Variants in CRIM1 observed in about 807,000 individuals in gnomAD.
CRIM1 encodes cysteine rich transmembrane BMP regulator 1, also known as cysteine-rich motor neuron 1 protein.
Under a neutral mutation model 116.4 loss-of-function variants are expected in CRIM1, and 32 were observed. That is an observed-to-expected ratio of 0.27 (90% CI 0.21 to 0.37). The LOEUF (loss-of-function observed/expected upper bound fraction) is 0.37. Among genes scored for constraint, CRIM1 ranks in the 10% least tolerant of loss-of-function variants. The probability of loss-of-function intolerance (pLI) is 1.00; values close to 1 mark genes in which losing one functional copy is unlikely to be tolerated. For missense variants in CRIM1, 1,331 were observed against 1,354.8 expected, an observed-to-expected ratio of 0.98 and a Z score of 0.28; for synonymous variants, 590 against 509.2, an observed-to-expected ratio of 1.16 and a Z score of -2.13.
At chr2:36,534,582 GGA>G (rs1255241227) in intron 13 of CRIM1, among the ~76,000 whole-genome samples, 1 of 141,570 alleles carries the variant, frequency 7.1e-6, no homozygotes, top group Non-Finnish European at 1.6e-5. Flanking sequence ...AGGAAGGAAG[GGA>G]GAGACAGGAA....
chr2:36,440,578 A>G (rs1675734236), intron 2 of CRIM1, among the ~76,000 whole-genome samples: 1 of 152,218 alleles, frequency 6.6e-6, no homozygotes, highest in Admixed American at 6.5e-5. Context: ...CATCTCTAAA[A>G]TTGAGATACA....
intron 2 of CRIM1, among the ~76,000 whole-genome samples, chr2:36,403,563 A>G: frequency 6.6e-6 from 1 of 152,122 alleles, no homozygotes. Context: ...TTGGATAGAA[A>G]AGAGAGGACG....
chr2:36,512,467 TG>T, intron 10 of CRIM1, 73 bp downstream of exon 10: 2 of 1,499,466 alleles, frequency 1.3e-6, no homozygotes, highest in Non-Finnish European at 1.8e-6. Context: ...AAGGACACCC[TG>T]TAATGAAATG....
chr2:36,378,526 G>GTA, intron 1 of CRIM1: 1 of 369,696 alleles, frequency 2.7e-6, no homozygotes, highest in East Asian at 8.1e-5. Flanking sequence ...ACGTAAGGCG[G>GTA]TAAGTCATTT....
intron 6 of CRIM1, 123 bp from the exon 7 acceptor site, chr2:36,479,374 G>T: frequency 1.1e-6 from 1 of 906,036 alleles, no homozygotes; most frequent in East Asian, 2.6e-5. Context: ...CTGCGCTTCT[G>T]TTGATCACAG....
At chr2:36,403,309 G>A (rs3770928) in intron 2 of CRIM1, among the ~76,000 whole-genome samples, 30,911 of 152,176 alleles carry the variant, frequency 0.2, 3,251 homozygotes, top group South Asian at 0.33. Context: ...GGAGAACGTT[G>A]AATGGTTTAT....
intron 1 of CRIM1, among the ~76,000 whole-genome samples, chr2:36,379,394 T>G (rs1009917832): frequency 6.6e-6 from 1 of 152,128 alleles, no homozygotes; most frequent in Non-Finnish European, 1.5e-5. Context: ...AAAGGAAGAG[T>G]TGTCACAGGA....
intron 4 of CRIM1, among the ~76,000 whole-genome samples, chr2:36,454,144 C>T (rs1227468896): frequency 6.6e-6 from 1 of 152,200 alleles, no homozygotes; most frequent in Non-Finnish European, 1.5e-5. Flanking sequence ...CCCTCTCTGG[C>T]CATGACTCCT....
chr2:36,448,856 T>C (rs1339498535), intron 4 of CRIM1, among the ~76,000 whole-genome samples: 1 of 152,148 alleles, frequency 6.6e-6, no homozygotes, highest in Non-Finnish European at 1.5e-5. Context: ...CTGGGTTGTG[T>C]GCATTTCAGA....
chr2:36,374,834 C>G (rs10192912), intron 1 of CRIM1, among the ~76,000 whole-genome samples: 28,663 of 149,624 alleles, frequency 0.19, 3,410 homozygotes, highest in Non-Finnish European at 0.27. Context: ...TCCCTAGGCT[C>G]ATGGCATGAG....
At chr2:36,462,931 A>T (rs1036949182) in intron 4 of CRIM1, among the ~76,000 whole-genome samples, 11 of 152,220 alleles carry the variant, frequency 7.2e-5, no homozygotes, top group African/African-American at 2.7e-4. Context: ...ACATTTACTC[A>T]GCGCTAGAAA....
intron 1 of CRIM1, among the ~76,000 whole-genome samples, chr2:36,396,145 A>G (rs1672013998): frequency 6.6e-6 from 1 of 152,116 alleles, no homozygotes; most frequent in South Asian, 2.1e-4. Context: ...CCTGGGCTCA[A>G]GTAATCCCCG....
intron 2 of CRIM1, among the ~76,000 whole-genome samples, chr2:36,429,522 G>C (rs894340975): frequency 2.0e-5 from 3 of 152,182 alleles, no homozygotes; most frequent in Admixed American, 6.5e-5. Context: ...GGTCCATCAA[G>C]ACTGTCGCTG....
At chr2:36,496,702 G>T (rs796834129) in intron 7 of CRIM1, among the ~76,000 whole-genome samples, 5 of 152,260 alleles carry the variant, frequency 3.3e-5, no homozygotes, top group African/African-American at 1.2e-4. Context: ...TTCCTCTCCT[G>T]GAGAAATGTG....
chr2:36,422,131 C>A (rs1411861988), intron 2 of CRIM1, among the ~76,000 whole-genome samples: 1 of 150,850 alleles, frequency 6.6e-6, no homozygotes, highest in Non-Finnish European at 1.5e-5. Context: ...TAGATAGCTT[C>A]CTTAGGTGAC....
intron 8 of CRIM1, among the ~76,000 whole-genome samples, chr2:36,504,905 T>C (rs1217882304): frequency 6.6e-6 from 1 of 152,228 alleles, no homozygotes; most frequent in Non-Finnish European, 1.5e-5. Flanking sequence ...GTAAGTTCTC[T>C]TCCAATTTTA....
chr2:36,356,424 G>A lies in CRIM1; in HGVS notation c.132G>A (p.Lys44=). Reference sequence around the variant, plus strand: ...TCTGCCTGCCCTGTGACGAGTCCAAGTGCGAGGAGCCCAGGAACTGCCCGG... The same window carrying A: ...TCTGCCTGCCCTGTGACGAGTCCAAATGCGAGGAGCCCAGGAACTGCCCGG... ...ALVCLPCDES[K]CEEPRNCPGS... Residue 44 remains lysine (K), a synonymous_variant, in exon 1 of 17, where the codon AAG becomes AAA. Coordinates refer to ENST00000280527, the MANE Select transcript of CRIM1 (RefSeq NM_016441.3). The surrounding 1 kb of genome is among the most constrained non-coding windows in gnomAD (Gnocchi z 4.3). The A allele has an allele frequency of 6.2e-7, 1 of 1,610,952 alleles. No individual in the cohort carries two copies. Among genetic ancestry groups the A allele is most frequent in the Non-Finnish European group, 8.5e-7 (1 of 1,179,560 alleles).
intron 4 of CRIM1, among the ~76,000 whole-genome samples, chr2:36,463,814 T>C (rs1199649327): frequency 6.6e-6 from 1 of 152,216 alleles, no homozygotes; most frequent in Non-Finnish European, 1.5e-5. Context: ...CATTCATGCG[T>C]GCAGAGAGAT....
At chr2:36,408,115 T>C (rs1044199107) in intron 2 of CRIM1, among the ~76,000 whole-genome samples, 3 of 152,204 alleles carry the variant, frequency 2.0e-5, no homozygotes, top group African/African-American at 4.8e-5. Context: ...AAATAGAATG[T>C]ACTTACTATG....
Sources: gnomAD v4.1 joint callset for allele counts (sites outside exome capture counted in the v4.1 genomes callset) on GRCh38, gnomAD v4.1.1 for gene constraint, Gnocchi (gnomAD v3.1) non-coding constraint, MANE v1.5 for transcripts, NCBI Gene and HGNC (gene_info 2026-07-23, HGNC 2026-07-21) for gene names.